LSM3: variants seen among roughly 807,000 people sequenced by gnomAD.
LSM3 encodes the protein U6 snRNA-associated Sm-like protein LSm3.
LSM3 carries 14 observed loss-of-function variants against 15.4 expected under a neutral mutation model. The observed-to-expected ratio is 0.91, with a 90% confidence interval of 0.60 to 1.42. The LOEUF (loss-of-function observed/expected upper bound fraction) is 1.42. LSM3 is among the 40% of genes most tolerant of loss of function. The probability of loss-of-function intolerance (pLI) is 0.00; values close to 1 mark genes in which losing one functional copy is unlikely to be tolerated. For synonymous variants in LSM3, 46 were observed against 45.1 expected (o/e 1.02, Z -0.08); for missense variants, 88 against 127.9 (o/e 0.69, Z 1.50).
At chr3:14,184,446 T>A (rs1379751591) in intron 3 of LSM3, among the ~76,000 whole-genome samples, 6 of 152,190 alleles carry the variant, frequency 3.9e-5, no homozygotes, top group South Asian at 4.1e-4. Flanking sequence ...AAAAATTTTT[T>A]AAATATTTAT....
rs1386145929 is a variant in LSM3 at position 14,200,881 on chromosome 3, C to G, written c.*2765C>G. The G allele has an allele frequency of 2.6e-5, 4 of 152,166 alleles. No individual in the cohort carries two copies. Among genetic ancestry groups the G allele is most frequent in the African/African-American group, 9.7e-5 (4 of 41,426 alleles). The allele number at this position is 152,166 out of a possible 1,614,324, so 9.4% of individuals were successfully genotyped here. On this transcript the variant is annotated 3_prime_UTR_variant, in exon 4 of 4. Transcript: ENST00000306024. ...GTGCGGTGACACACACCTGTAAACT[C>G]AACCACTAAGGAGACTGAGGCGGGA...
At chr3:14,193,776 T>C (rs1023967329) in intron 3 of LSM3, among the ~76,000 whole-genome samples, 1 of 152,194 alleles carries the variant, frequency 6.6e-6, no homozygotes, top group African/African-American at 2.4e-5. Context: ...AAGCCTACTT[T>C]TTTCAGTTCA....
At chr3:14,183,819 T>C in intron 2 of LSM3, 118 bp from the exon 3 acceptor site, 1 of 621,514 alleles carries the variant, frequency 1.6e-6, no homozygotes, top group Non-Finnish European at 2.7e-6. Context: ...CATGTAAAAG[T>C]TTGTGATGTA....
At chr3:14,180,793 C>T (rs1303074155) in intron 1 of LSM3, among the ~76,000 whole-genome samples, 1 of 139,398 alleles carries the variant, frequency 7.2e-6, no homozygotes, top group Non-Finnish European at 1.5e-5. Flanking sequence ...ACCCGGACTG[C>T]CTGACTCCAA....
At chr3:14,195,327 A>G (rs905216235) in intron 3 of LSM3, among the ~76,000 whole-genome samples, 3 of 152,178 alleles carry the variant, frequency 2.0e-5, no homozygotes, top group African/African-American at 7.2e-5. Flanking sequence ...CCTGGGAAAT[A>G]TAGTAGAATT....
chr3:14,181,657 G>A lies in LSM3; in HGVS notation c.119G>A (p.Arg40Gln), dbSNP rs1015903438. 4 of 1,611,722 alleles carry A rather than the reference G, an allele frequency of 2.5e-6. No homozygotes were observed. The highest frequency in any genetic ancestry group is 3.4e-6 in the Non-Finnish European group (4 of 1,177,948). The change falls in exon 2 of 4, where the codon CGA (arginine) becomes CAA (glutamine). Residue 40 changes from arginine (R) to glutamine (Q), a missense_variant. Arg to Gln is a conservative substitution (Grantham distance 43). Coordinates refer to ENST00000306024, the MANE Select transcript of LSM3 (RefSeq NM_014463.3). ...YVKMRNDREL[R>Q]GRLHAYDQHL... is the part of the protein sequence containing the mutation. Reference sequence around the variant, plus strand: ...AAAATGAGAAATGACCGAGAGCTTCGAGGCAGATTACATGTAAGTAAATTT... The same window carrying A: ...AAAATGAGAAATGACCGAGAGCTTCAAGGCAGATTACATGTAAGTAAATTT...
chr3:14,193,808 C>T (rs192315756), intron 3 of LSM3, among the ~76,000 whole-genome samples: 3 of 152,302 alleles, frequency 2.0e-5, no homozygotes, highest in Admixed American at 2.0e-4. Context: ...CTCCGTCTAG[C>T]TTTGTTCCCT....
Position 14,188,447 on chromosome 3 carries a change from C to T in LSM3, c.228+4415C>T, listed in dbSNP as rs115712504. Among the ~76,000 whole-genome samples the T allele has an allele frequency of 2.6e-3, 393 of 152,280 alleles. 3 individuals are homozygous for T. Among genetic ancestry groups the T allele is most frequent in the African/African-American group, 9.0e-3 (372 of 41,548 alleles). ...TTTTTGAATAGATACTAGACTCACA[C>T]AGTCTTAAAATTACAAAATGCAGAA... On this transcript the variant is annotated intron_variant, in intron 3 of 3. Transcript: ENST00000306024.
intron 1 of LSM3, among the ~76,000 whole-genome samples, chr3:14,179,205 G>A (rs1490795644): frequency 1.3e-5 from 2 of 152,142 alleles, no homozygotes; most frequent in Admixed American, 6.5e-5. Flanking sequence ...ATTAGTGAGC[G>A]CAACAATTAT....
Position 14,199,358 on chromosome 3 carries a change from C to T in LSM3, c.*1242C>T, listed in dbSNP as rs1015760157. The T allele has an allele frequency of 4.6e-5, 7 of 152,196 alleles. No homozygotes were observed. Among genetic ancestry groups the T allele is most frequent in the Non-Finnish European group, 7.3e-5 (5 of 68,040 alleles). The allele number at this position is 152,196 out of a possible 1,614,324, so 9.4% of individuals were successfully genotyped here. On this transcript the variant is annotated 3_prime_UTR_variant, in exon 4 of 4. Coordinates refer to ENST00000306024, the MANE Select transcript of LSM3 (RefSeq NM_014463.3). ...CAAGACAGGGCTTAGAACCTGACAT[C>T]CTCCGCTATGGTCATTCCATTTTGA...
chr3:14,179,548 T>C (rs895466163), intron 1 of LSM3, among the ~76,000 whole-genome samples: 2 of 152,228 alleles, frequency 1.3e-5, no homozygotes, highest in Admixed American at 1.3e-4. Flanking sequence ...TCTGCCCAAA[T>C]AGCACTCCCG....
rs140452846 is a variant in LSM3 at position 14,198,041 on chromosome 3, G to A, written c.234G>A (p.Thr78=). 60 of 1,612,690 alleles carry A rather than the reference G, an allele frequency of 3.7e-5. No individual in the cohort carries two copies. The African/African-American group carries it at 5.1e-4, about 14-fold the overall frequency. ...EETYEEIYKS[T]KRNIPMLFVR... is the part of the protein sequence containing the mutation. ...TGTTTTTTTTTCTCTTCTAGTCAAC[G>A]AAACGGAATATTCCAATGCTCTTTG... is the stretch of plus-strand genomic sequence containing the variant. The change falls in exon 4 of 4, where the codon ACG becomes ACA. Residue 78 remains threonine, a synonymous_variant. Transcript: ENST00000306024.
intron 2 of LSM3, 58 bp downstream of exon 2, chr3:14,181,728 G>C (rs761524295): frequency 7.2e-6 from 9 of 1,253,758 alleles, no homozygotes; most frequent in Non-Finnish European, 1.1e-5. Context: ...CCACTCCCTT[G>C]AAATGTAAAA....
rs749126532 is a variant in LSM3 at position 14,199,781 on chromosome 3, C to T, written c.*1665C>T. 6.6e-6 allele frequency: 1 copy of T among 152,296 alleles called. No individual in the cohort carries two copies. The highest frequency in any genetic ancestry group is 1.5e-5 in the Non-Finnish European group (1 of 68,114). 9.4% of individuals were successfully genotyped at this position (152,296 alleles called of 1,614,324 possible). On this transcript the variant is annotated 3_prime_UTR_variant, in exon 4 of 4. Coordinates refer to ENST00000306024, the MANE Select transcript of LSM3 (RefSeq NM_014463.3). ...ATGTTAGAAGAAACAACCTCAAAGACCTCAGGCCGCCTGTGGTCATTAGTA... is the reference window on the plus strand; with the variant it reads ...ATGTTAGAAGAAACAACCTCAAAGATCTCAGGCCGCCTGTGGTCATTAGTA...
rs1559390213 is a variant in LSM3 at position 14,180,846 on chromosome 3, TTTTTTTTTTTTA to T, written c.22-713_22-702del. Among the ~76,000 whole-genome samples, 448 of 84,024 alleles carry T rather than the reference TTTTTTTTTTTTA, an allele frequency of 5.3e-3. 14 individuals carry two copies. The highest frequency in any genetic ancestry group is 0.015 in the African/African-American group (309 of 20,604). 55.1% of individuals were successfully genotyped at this position (84,024 alleles called of 152,430 possible). ...CTTTTTTTTTTTTTTTTTTTTTTTT[TTTTTTTTTTTTA>T]AAAAAAAAAAAGACAAGAGTCTCAC... On this transcript the variant is annotated intron_variant, in intron 1 of 3. Coordinates refer to ENST00000306024, the MANE Select transcript of LSM3 (RefSeq NM_014463.3).
chr3:14,185,038 CAA>C (rs1251638600), intron 3 of LSM3, among the ~76,000 whole-genome samples: 1 of 150,408 alleles, frequency 6.6e-6, no homozygotes, highest in East Asian at 2.0e-4. Context: ...GCCTTGTCAA[CAA>C]GAGTGAAACG....
chr3:14,194,773 TC>T (rs1436113930), intron 3 of LSM3, among the ~76,000 whole-genome samples: 1 of 130,362 alleles, frequency 7.7e-6, no homozygotes, highest in Non-Finnish European at 1.6e-5. Context: ...GTTTATAGCA[TC>T]CTTTTTTTTT....
intron 1 of LSM3, among the ~76,000 whole-genome samples, chr3:14,179,853 C>T (rs1434173981): frequency 6.6e-6 from 1 of 152,186 alleles, no homozygotes; most frequent in African/African-American, 2.4e-5. Flanking sequence ...GCTTAGGTAG[C>T]AGTAGGGCTT....
intron 2 of LSM3, among the ~76,000 whole-genome samples, chr3:14,183,105 G>T (rs187939813): frequency 2.0e-5 from 3 of 152,276 alleles, no homozygotes; most frequent in Admixed American, 2.0e-4. Context: ...AAACTTGATG[G>T]TCTCTATCCT....
Sources: gnomAD v4.1 joint callset for allele counts (sites outside exome capture counted in the v4.1 genomes callset) on GRCh38, gnomAD v4.1.1 for gene constraint, MANE v1.5 for transcripts, NCBI Gene and HGNC (gene_info 2026-07-23, HGNC 2026-07-21) for gene names.